Variants in LOC128092253 observed in about 807,000 individuals in gnomAD.
chr6:133,966,612 G>A, the LOC128092253 span, among the ~76,000 whole-genome samples: 3 of 152,074 alleles, frequency 2.0e-5, no homozygotes, highest in Non-Finnish European at 4.4e-5. Context: ...GTCCAAAACC[G>A]AATTGTTAAC....
At chr6:133,956,509 C>G in the LOC128092253 span, among the ~76,000 whole-genome samples, 1 of 152,146 alleles carries the variant, frequency 6.6e-6, no homozygotes, top group African/African-American at 2.4e-5. Flanking sequence ...GGTGAATGGA[C>G]TTCATCATGC....
At chr6:133,973,748 A>G in the LOC128092253 span, among the ~76,000 whole-genome samples, 1 of 152,182 alleles carries the variant, frequency 6.6e-6, no homozygotes, top group African/African-American at 2.4e-5. Flanking sequence ...AGCTAGAAAT[A>G]TGCCACTTCC....
At chr6:133,972,384 A>G in the LOC128092253 span, among the ~76,000 whole-genome samples, 1 of 152,226 alleles carries the variant, frequency 6.6e-6, no homozygotes, top group East Asian at 1.9e-4. Flanking sequence ...TTATACAGAC[A>G]TTTTGTCATT....
the LOC128092253 span, among the ~76,000 whole-genome samples, chr6:133,962,973 G>A: frequency 6.6e-6 from 1 of 152,208 alleles, no homozygotes; most frequent in South Asian, 2.1e-4. Flanking sequence ...ATAGGACATG[G>A]CAAGGGAGCA....
chr6:133,977,781 G>GC, the LOC128092253 span, among the ~76,000 whole-genome samples: 21,796 of 152,080 alleles, frequency 0.14, 2,010 homozygotes, highest in African/African-American at 0.27. Flanking sequence ...AGCGTCAGGG[G>GC]CCAGGCTGCT....
the LOC128092253 span, chr6:133,980,088 A>G: frequency 6.9e-7 from 1 of 1,450,892 alleles, no homozygotes; most frequent in Non-Finnish European, 9.1e-7. Context: ...TCAGGATGTG[A>G]TCTTCGTGGT....
chr6:133,958,684 C>T, the LOC128092253 span, among the ~76,000 whole-genome samples: 1 of 152,166 alleles, frequency 6.6e-6, no homozygotes, highest in Admixed American at 6.5e-5. Flanking sequence ...AAGTGAATTG[C>T]AGACTGTTCT....
At chr6:133,976,533 CT>C in the LOC128092253 span, among the ~76,000 whole-genome samples, 2 of 152,034 alleles carry the variant, frequency 1.3e-5, no homozygotes, top group Non-Finnish European at 2.9e-5. Flanking sequence ...TATTGTTTTT[CT>C]TGTTTTAATT....
chr6:133,963,406 T>G, the LOC128092253 span, among the ~76,000 whole-genome samples: 4 of 152,126 alleles, frequency 2.6e-5, no homozygotes, highest in African/African-American at 9.7e-5. Context: ...TATTATCTTG[T>G]TTCTGTTGTT....
chr6:133,976,339 G>T, the LOC128092253 span, among the ~76,000 whole-genome samples: 1 of 152,146 alleles, frequency 6.6e-6, no homozygotes, highest in East Asian at 1.9e-4. Flanking sequence ...CAATGTTTCA[G>T]ATACGATGTT....
At chr6:133,957,374 T>C in the LOC128092253 span, among the ~76,000 whole-genome samples, 1 of 152,340 alleles carries the variant, frequency 6.6e-6, no homozygotes, top group African/African-American at 2.4e-5. Flanking sequence ...GTGGATGATT[T>C]CAGCATTGAA....
chr6:133,972,898 T>A, the LOC128092253 span, among the ~76,000 whole-genome samples: 23 of 152,180 alleles, frequency 1.5e-4, no homozygotes, highest in African/African-American at 5.3e-4. Context: ...CAGGTGGTAT[T>A]ATCACCAATT....
chr6:133,964,456 T>A, the LOC128092253 span, among the ~76,000 whole-genome samples: 2 of 130,396 alleles, frequency 1.5e-5, no homozygotes, highest in African/African-American at 2.8e-5. Context: ...GTTTTTTGGG[T>A]TTTTTTTTTT....
the LOC128092253 span, among the ~76,000 whole-genome samples, chr6:133,965,070 GAGA>G: frequency 6.6e-6 from 1 of 152,146 alleles, no homozygotes; most frequent in Non-Finnish European, 1.5e-5. Flanking sequence ...ACCAACTTAT[GAGA>G]AGATTTATTC....
At chr6:133,971,827 T>G in the LOC128092253 span, among the ~76,000 whole-genome samples, 3 of 152,212 alleles carry the variant, frequency 2.0e-5, no homozygotes, top group African/African-American at 7.2e-5. Flanking sequence ...ATTCTGGATA[T>G]TAATCTCTTA....
At chr6:133,979,468 T>C in the LOC128092253 span, among the ~76,000 whole-genome samples, 1 of 152,192 alleles carries the variant, frequency 6.6e-6, no homozygotes, top group African/African-American at 2.4e-5. Context: ...ATTACTGTGG[T>C]ACACCTGGAA....
chr6:133,964,536 C>T, the LOC128092253 span, among the ~76,000 whole-genome samples: 14 of 150,828 alleles, frequency 9.3e-5, no homozygotes, highest in African/African-American at 1.2e-4. Flanking sequence ...CTGCAAGCTC[C>T]GTCTCCCGGG....
the LOC128092253 span, among the ~76,000 whole-genome samples, chr6:133,959,992 C>G: frequency 6.6e-6 from 1 of 152,178 alleles, no homozygotes; most frequent in Non-Finnish European, 1.5e-5. Context: ...CCACCCCATC[C>G]TTTTTAATTT....
chr6:133,971,375 C>G, the LOC128092253 span, among the ~76,000 whole-genome samples: 1 of 152,114 alleles, frequency 6.6e-6, no homozygotes, highest in African/African-American at 2.4e-5. Flanking sequence ...CAGTAAATAG[C>G]GAAGTATAGA....
Sources: gnomAD v4.1 joint callset for allele counts (sites outside exome capture counted in the v4.1 genomes callset) on GRCh38, gnomAD v4.1.1 for gene constraint, MANE v1.5 for transcripts.